Variants in CCN6 observed in about 807,000 individuals in gnomAD.
The protein encoded by CCN6 is CCN family member 6.
A neutral mutation model predicts 37.4 loss-of-function variants in CCN6; 31 were observed. The ratio of observed to expected loss-of-function variants is 0.83; its 90% CI spans 0.62 to 1.12. CCN6 has a LOEUF of 1.12. Among genes scored for constraint, CCN6 ranks in the 50% most tolerant of loss-of-function variants. The pLI, the probability that CCN6 is intolerant of heterozygous loss-of-function variation, is 0.00. For missense variants in CCN6, 369 were observed against 413.8 expected (o/e 0.89, Z 0.94); for synonymous variants, 137 against 142.1 (o/e 0.96, Z 0.26).
intron 3 of CCN6, chr6:112,066,863 G>A: frequency 1.1e-6 from 1 of 896,340 alleles, no homozygotes; most frequent in Non-Finnish European, 1.6e-6. Flanking sequence ...ATCTCTTCTA[G>A]TTTTCTTGCT....
chr6:112,066,872 C>T, intron 3 of CCN6: 1 of 992,036 alleles, frequency 1.0e-6, no homozygotes, highest in Non-Finnish European at 1.4e-6. Context: ...AGTTTTCTTG[C>T]TTTTTAATGA....
Position 112,061,194 on chromosome 6 carries a change from A to T in CCN6, c.252A>T (p.Glu84Asp). 1 of 1,614,152 alleles carries T rather than the reference A, an allele frequency of 6.2e-7. No individual in the cohort carries two copies. The highest frequency in any genetic ancestry group is 8.5e-7 in the Non-Finnish European group (1 of 1,180,018). Residue 84 changes from glutamate (E) to aspartate (D), a missense_variant, in exon 2 of 5, where the codon GAA becomes GAT. Transcript: ENST00000368666. ...CCKICAKQPG[E>D]ICNEADLCDP... The stretch of plus-strand genomic sequence containing the variant: ...AAATCTGTGCCAAGCAACCAGGGGA[A>T]ATCTGCAATGAAGCTGACCTCTGTG...
rs1297369735 is a variant in CCN6 at position 112,065,609 on chromosome 6, C to T, written c.589+612C>T. On this transcript the variant is annotated intron_variant, in intron 3 of 4. Coordinates refer to ENST00000368666, the MANE Select transcript of CCN6 (RefSeq NM_198239.2). ...ACACGCACACACACACAAACACACA[C>T]GCACACACACACGCACGCACACACA... 4.7e-5 allele frequency among the ~76,000 whole-genome samples: 5 copies of T among 106,484 alleles called. No homozygotes were observed. In the East Asian group the frequency reaches 8.2e-4, roughly 17 times the overall value. The allele number at this position is 106,484 out of a possible 152,430, so 69.9% of individuals were successfully genotyped here.
intron 1 of CCN6, among the ~76,000 whole-genome samples, chr6:112,057,229 G>C (rs1776373747): frequency 6.6e-6 from 1 of 152,208 alleles, no homozygotes; most frequent in Non-Finnish European, 1.5e-5. Context: ...GTAGGCAGGA[G>C]AGGGCTTTGG....
At chr6:112,059,996 G>C (rs1265678444) in intron 1 of CCN6, 3 of 1,363,388 alleles carry the variant, frequency 2.2e-6, no homozygotes, top group Non-Finnish European at 2.9e-6. Flanking sequence ...GACCTAAAGA[G>C]AGTAAAAGAG....
chr6:112,060,140 G>A (rs1218340707), intron 1 of CCN6: 12 of 1,336,062 alleles, frequency 9.0e-6, no homozygotes, highest in African/African-American at 7.4e-5. Context: ...ACCACAGGAT[G>A]CAGGGCCATG....
chr6:112,060,217 G>A, intron 1 of CCN6: 1 of 1,186,026 alleles, frequency 8.4e-7, no homozygotes, highest in Non-Finnish European at 1.1e-6. Flanking sequence ...AGCAAAGAGT[G>A]ATATGAACTG....
chr6:112,069,656 T>C lies in CCN6; in HGVS notation c.*36T>C, dbSNP rs782653530. The C allele has an allele frequency of 6.2e-7, 1 of 1,611,660 alleles. No homozygotes were observed. The highest frequency in any genetic ancestry group is 2.2e-5 in the East Asian group (1 of 44,778). On this transcript the variant is annotated 3_prime_UTR_variant, in exon 5 of 5. Transcript: ENST00000368666. ...ATGGGGGAAAAGTTAGTCAATCCTG[T>C]CATATAATAAAAAAATTAGTGAGTA...
intron 3 of CCN6, among the ~76,000 whole-genome samples, chr6:112,067,197 C>T (rs1184406430): frequency 1.3e-5 from 2 of 150,054 alleles, no homozygotes; most frequent in Admixed American, 6.6e-5. Context: ...GGGTGTTTTT[C>T]GAGTTTTAAG....
chr6:112,065,630 A>ACACATGCACGCG (rs1562597800), intron 3 of CCN6, among the ~76,000 whole-genome samples: 6 of 148,852 alleles, frequency 4.0e-5, no homozygotes, highest in African/African-American at 1.5e-4. Context: ...ACGCACGCAC[A>ACACATGCACGCG]CACACACACA....
chr6:112,068,487 T>C (rs879948751), intron 4 of CCN6, 89 bp downstream of exon 4: 3 of 1,200,258 alleles, frequency 2.5e-6, no homozygotes, highest in Non-Finnish European at 3.5e-6. Context: ...GGATGGTGTT[T>C]AGTTCTTAGA....
chr6:112,056,509 T>C (rs1380659258), intron 1 of CCN6, among the ~76,000 whole-genome samples: 1 of 151,990 alleles, frequency 6.6e-6, no homozygotes, highest in Non-Finnish European at 1.5e-5. Context: ...CTTTTCTCAG[T>C]CTACTGTTAT....
chr6:112,069,605 G>C lies in CCN6; in HGVS notation c.1050G>C (p.Glu350Asp). ...GAGAACCTGGAGATATATTTTCTGAGCTCAAGATTCTGTAAAACCAAGCAA... is the reference window on the plus strand; with the variant it reads ...GAGAACCTGGAGATATATTTTCTGACCTCAAGATTCTGTAAAACCAAGCAA... ...NCREPGDIFS[E>D]LKIL The change falls in exon 5 of 5, where the codon GAG becomes GAC. Residue 350 changes from glutamate (E) to aspartate (D), a missense_variant. Physicochemically the swap from Glu to Asp is conservative, Grantham distance 45 (BLOSUM62 2). Coordinates refer to ENST00000368666, the MANE Select transcript of CCN6 (RefSeq NM_198239.2). The C allele has an allele frequency of 6.2e-7, 1 of 1,613,620 alleles. No individual in the cohort carries two copies.
intron 3 of CCN6, chr6:112,066,947 A>C: frequency 7.3e-7 from 1 of 1,365,016 alleles, no homozygotes; most frequent in South Asian, 1.1e-5. Context: ...ACGGTAATCT[A>C]ACCTGCCTTT....
Position 112,063,906 on chromosome 6 carries a change from T to C in CCN6, c.347-849T>C, listed in dbSNP as rs117881248. On this transcript the variant is annotated intron_variant, in intron 2 of 4. Coordinates refer to ENST00000368666, the MANE Select transcript of CCN6 (RefSeq NM_198239.2). ...GTTGCACTAAAATATTCTATGTATATTTCCTATTTTGTCACGTAGAATATT... is the reference window on the plus strand; with the variant it reads ...GTTGCACTAAAATATTCTATGTATACTTCCTATTTTGTCACGTAGAATATT... Among the ~76,000 whole-genome samples the C allele has an allele frequency of 4.9e-3, 742 of 152,344 alleles. 6 individuals are homozygous for C. The highest frequency in any genetic ancestry group is 0.024 in the Middle Eastern group (7 of 294).
intron 1 of CCN6, 172 bp downstream of exon 1, chr6:112,054,577 G>C (rs1159988733): frequency 1.4e-5 from 9 of 657,506 alleles, no homozygotes; most frequent in Non-Finnish European, 2.4e-5. Context: ...TTCTGTGTTC[G>C]TTCATGAGCT....
At chr6:112,053,123 G>A (rs926641497), upstream of CCN6, among the ~76,000 whole-genome samples, 6 of 152,054 alleles carry the variant, frequency 3.9e-5, no homozygotes, top group Non-Finnish European at 8.8e-5. Flanking sequence ...GGACCTGAGA[G>A]GGACAAAGCA....
chr6:112,059,684 C>T (rs963686185), intron 1 of CCN6, among the ~76,000 whole-genome samples: 1 of 152,196 alleles, frequency 6.6e-6, no homozygotes, highest in African/African-American at 2.4e-5. Flanking sequence ...AGGACATGGA[C>T]ATCTTTGAGG....
At chr6:112,059,461 A>G (rs1196300068) in intron 1 of CCN6, among the ~76,000 whole-genome samples, 1 of 152,126 alleles carries the variant, frequency 6.6e-6, no homozygotes, top group African/African-American at 2.4e-5. Flanking sequence ...ACCATGACCC[A>G]TTTCAGCAAC....
Sources: allele counts gnomAD v4.1 joint callset (sites outside exome capture counted in the v4.1 genomes callset), GRCh38; gene constraint gnomAD v4.1.1; transcripts MANE v1.5; gene names NCBI Gene and HGNC (gene_info 2026-07-23, HGNC 2026-07-21).